The following ZBTB26 variants were observed in gnomAD, a reference collection of about 807,000 sequenced individuals.
ZBTB26 encodes zinc finger and BTB domain-containing protein 26.
In ZBTB26, 12 loss-of-function variants were observed where a neutral mutation model predicts 31.6. The ratio of observed to expected loss-of-function variants is 0.38; its 90% CI spans 0.24 to 0.61. ZBTB26 has a LOEUF of 0.61. Ranked by LOEUF, ZBTB26 falls within the 20% of genes least tolerant of loss-of-function variation. The pLI, the probability that ZBTB26 is intolerant of heterozygous loss-of-function variation, is 0.60. For missense variants in ZBTB26, 311 were observed against 521.9 expected (o/e 0.60, Z 3.94); for synonymous variants, 155 against 182.9 (o/e 0.85, Z 1.23).
chr9:122,926,698 G>C (rs1833187357), intron 1 of ZBTB26, among the ~76,000 whole-genome samples: 1 of 152,134 alleles, frequency 6.6e-6, no homozygotes, highest in Non-Finnish European at 1.5e-5. Flanking sequence ...CATGAAATTA[G>C]AAGACTTAAA....
intron 1 of ZBTB26, among the ~76,000 whole-genome samples, chr9:122,927,329 C>T (rs1322082472): frequency 6.6e-6 from 1 of 152,140 alleles, no homozygotes; most frequent in East Asian, 1.9e-4. Context: ...TGACTAATTA[C>T]TGAATATTCC....
Position 122,919,621 on chromosome 9 carries a change from G to A in ZBTB26, c.314C>T (p.Thr105Ile), listed in dbSNP as rs1234037923. 9.9e-6 allele frequency: 16 copies of A among 1,614,154 alleles called. No individual in the cohort carries two copies. The highest frequency in any genetic ancestry group is 1.4e-5 in the Non-Finnish European group (16 of 1,180,016). The change falls in exon 2 of 2, where the codon ACT becomes ATT. Residue 105 changes from threonine (T) to isoleucine (I), a missense_variant. This residue lies in a region of ZBTB26 where 207 missense variants were observed against 298.6 expected (regional missense o/e 0.69). Coordinates refer to ENST00000373656, the MANE Select transcript of ZBTB26 (RefSeq NM_020924.4). The surrounding 1 kb of genome is among the most constrained non-coding windows in gnomAD (Gnocchi z 6.1). The stretch of plus-strand genomic sequence containing the variant: ...GCTCATCTGAAGAAAACTTGCAGCA[G>A]TCAAGTAATTTACCAGTTCCATCTC... Reference protein sequence around the residue: ...FPEMELVNYLTAASFLQMSHI... With the variant: ...FPEMELVNYLIAASFLQMSHI...
At chr9:122,926,067 G>C (rs1471202402) in intron 1 of ZBTB26, among the ~76,000 whole-genome samples, 1 of 151,658 alleles carries the variant, frequency 6.6e-6, no homozygotes, top group East Asian at 2.0e-4. Flanking sequence ...CCTAATTTTT[G>C]GATTTTTAGT....
At position 122,919,345 on chromosome 9, in the gene ZBTB26, T is replaced by C. The variant is rs374623285; in HGVS notation, c.590A>G (p.Lys197Arg). 44 of 1,614,230 alleles carry C rather than the reference T, an allele frequency of 2.7e-5. No homozygotes were observed. The highest frequency in any genetic ancestry group is 3.7e-5 in the Non-Finnish European group (44 of 1,180,034). Reference sequence around the variant, plus strand: ...AGAAATAAACTGGTTCTGATCTTTTTTACTTCTAACCTCTGATACATCCCC... The same window carrying C: ...AGAAATAAACTGGTTCTGATCTTTTCTACTTCTAACCTCTGATACATCCCC... ...SIGDVSEVRS[K>R]KDQNQFISSE... Residue 197 changes from lysine (K) to arginine (R), a missense_variant, in exon 2 of 2, where the codon AAA becomes AGA. This residue lies in a region of ZBTB26 where 207 missense variants were observed against 298.6 expected (regional missense o/e 0.69). Coordinates refer to ENST00000373656, the MANE Select transcript of ZBTB26 (RefSeq NM_020924.4). This position sits in a 1 kb window ranked among gnomAD's most constrained non-coding sequence, Gnocchi z 6.1.
chr9:122,924,721 G>T (rs1218847537), intron 1 of ZBTB26, among the ~76,000 whole-genome samples: 3 of 151,248 alleles, frequency 2.0e-5, no homozygotes, highest in African/African-American at 4.9e-5. Flanking sequence ...TGGCACCAAG[G>T]CTCAAACAAT....
At position 122,918,687 on chromosome 9, in the gene ZBTB26, A is replaced by G. The variant is rs758214650; in HGVS notation, c.1248T>C (p.Asp416=). The G allele has an allele frequency of 1.9e-6, 3 of 1,614,108 alleles. No individual in the cohort carries two copies. The African/African-American group carries it at 4.0e-5, about 22-fold the overall frequency. ...TACCTGCATCCAGGACCTGTGTTGC[A>G]TCGGGTTGTGGCTGACACCCTTTAG... is the stretch of plus-strand genomic sequence containing the variant. ...TDSKGCQPQP[D]ATQVLDAGKL... The change falls in exon 2 of 2, where the codon GAT becomes GAC. Residue 416 remains aspartate, a synonymous_variant. Transcript: ENST00000373656.
intron 1 of ZBTB26, 88 bp from the exon 2 acceptor site, chr9:122,920,032 T>C: frequency 3.6e-6 from 5 of 1,397,808 alleles, no homozygotes; most frequent in Non-Finnish European, 4.8e-6. Flanking sequence ...CAAATCTGTG[T>C]TGTCATATCT....
rs1416805570 is a variant in ZBTB26, at chr9:122,918,291, C to T, written c.*318G>A. The T allele has an allele frequency of 2.3e-5, 6 of 264,194 alleles. No homozygotes were observed. Among genetic ancestry groups the T allele is most frequent in the South Asian group, 7.3e-5 (1 of 13,714 alleles). The allele number at this position is 264,194 out of a possible 1,614,324, so 16.4% of individuals were successfully genotyped here. Reference sequence around the variant, plus strand: ...GACGTTATTAACTTGTTGGTACCTTCGGAATGTGCCTAGTGAAAAGCCTAA... The same window carrying T: ...GACGTTATTAACTTGTTGGTACCTTTGGAATGTGCCTAGTGAAAAGCCTAA... On this transcript the variant is annotated 3_prime_UTR_variant, in exon 2 of 2. Coordinates refer to ENST00000373656, the MANE Select transcript of ZBTB26 (RefSeq NM_020924.4).
rs1424806672 is a variant in ZBTB26, at chr9:122,916,847, A to G, written c.*1762T>C. 6.6e-6 allele frequency: 1 copy of G among 152,246 alleles called. No homozygotes were observed. The highest frequency in any genetic ancestry group is 1.9e-4 in the East Asian group (1 of 5,204). The allele number at this position is 152,246 out of a possible 1,614,324, so 9.4% of individuals were successfully genotyped here. ...ACAATGATACATGTAAACGTATCAAATATAACAATTGAAGATCCCCTCTGA... is the reference window on the plus strand; with the variant it reads ...ACAATGATACATGTAAACGTATCAAGTATAACAATTGAAGATCCCCTCTGA... On this transcript the variant is annotated 3_prime_UTR_variant, in exon 2 of 2. Transcript: ENST00000373656.
intron 1 of ZBTB26, among the ~76,000 whole-genome samples, chr9:122,927,997 G>C (rs1297767375): frequency 1.3e-5 from 2 of 151,940 alleles, no homozygotes; most frequent in Non-Finnish European, 2.9e-5. Flanking sequence ...ACCAAGCCCG[G>C]ATAATTTTTG....
chr9:122,926,532 T>C (rs1320187400), intron 1 of ZBTB26, among the ~76,000 whole-genome samples: 1 of 151,742 alleles, frequency 6.6e-6, no homozygotes, highest in Admixed American at 6.6e-5. Context: ...AAAAATTGTG[T>C]AACTCTTCAG....
At position 122,918,722 on chromosome 9, in the gene ZBTB26, C is replaced by G; in HGVS notation, c.1213G>C (p.Val405Leu). 6.2e-7 allele frequency: 1 copy of G among 1,614,210 alleles called. No individual in the cohort carries two copies. Among genetic ancestry groups the G allele is most frequent in the Non-Finnish European group, 8.5e-7 (1 of 1,180,020 alleles). Reference sequence around the variant, plus strand: ...GGCTGACACCCTTTAGAGTCTGTGACTGTTGTACATGCAAAAGAATCAAAA... The same window carrying G: ...GGCTGACACCCTTTAGAGTCTGTGAGTGTTGTACATGCAAAAGAATCAAAA... ...VDFDSFACTT[V>L]TDSKGCQPQP... The change falls in exon 2 of 2, where the codon GTC becomes CTC. Residue 405 changes from valine to leucine, a missense_variant. Around this residue, in one of 5 missense-constraint regions of ZBTB26, gnomAD observed 49 missense variants for 66.0 expected, o/e 0.74. Transcript: ENST00000373656.
Position 122,927,751 on chromosome 9 carries a change from T to C in ZBTB26, c.-11+3686A>G, listed in dbSNP as rs1833204476. Among the ~76,000 whole-genome samples the C allele has an allele frequency of 5.3e-5, 8 of 152,194 alleles. No homozygotes were observed. In the South Asian group the frequency reaches 1.4e-3, roughly 28 times the overall value. On this transcript the variant is annotated intron_variant, in intron 1 of 1. Coordinates refer to ENST00000373656, the MANE Select transcript of ZBTB26 (RefSeq NM_020924.4). ...TTGAAGATTTTAGATGTAATTCCCCTTCTCAACTGCCTACCACTCAGTATT... is the reference window on the plus strand; with the variant it reads ...TTGAAGATTTTAGATGTAATTCCCCCTCTCAACTGCCTACCACTCAGTATT...
intron 1 of ZBTB26, among the ~76,000 whole-genome samples, chr9:122,924,355 A>G (rs1833145588): frequency 6.6e-6 from 1 of 152,108 alleles, no homozygotes; most frequent in Non-Finnish European, 1.5e-5. Flanking sequence ...TTATCCCTTA[A>G]TTGTTTCCTT....
At position 122,919,398 on chromosome 9, in the gene ZBTB26, A is replaced by T. The variant is rs1011077708; in HGVS notation, c.537T>A (p.Asp179Glu). 10 of 1,614,190 alleles carry T rather than the reference A, an allele frequency of 6.2e-6. No homozygotes were observed. Among genetic ancestry groups the T allele is most frequent in the Middle Eastern group, 3.3e-4 (2 of 6,062 alleles). The change falls in exon 2 of 2, where the codon GAT becomes GAA. Residue 179 changes from aspartate to glutamate, a missense_variant. Transcript: ENST00000373656. The surrounding 1 kb of genome is among the most constrained non-coding windows in gnomAD (Gnocchi z 6.1). ...SEDSMDMEDSDIQIVKVESIG... is the reference protein window; with the variant it reads ...SEDSMDMEDSEIQIVKVESIG... The stretch of plus-strand genomic sequence containing the variant: ...TAGATTCTACCTTAACAATCTGAAT[A>T]TCACTGTCCTCCATATCCATACTGT...
chr9:122,922,673 G>T (rs1171967603), intron 1 of ZBTB26, among the ~76,000 whole-genome samples: 1 of 152,212 alleles, frequency 6.6e-6, no homozygotes, highest in African/African-American at 2.4e-5. Context: ...TTTGACAGTG[G>T]TAAGGAAGAA....
rs776021197 is a variant in ZBTB26 at position 122,918,762 on chromosome 9, T to A, written c.1173A>T (p.Gln391His). 6 of 1,614,082 alleles carry A rather than the reference T, an allele frequency of 3.7e-6. No homozygotes were observed. Among genetic ancestry groups the A allele is most frequent in the Non-Finnish European group, 5.1e-6 (6 of 1,180,028 alleles). ...AAGAATCAAAATCCACTGTGAGGTC[T>A]TGTACATTTCTCTCATTGGCATTAT... The part of the protein sequence containing the change: ...SFDNANERNV[Q>H]DLTVDFDSFA... Residue 391 changes from glutamine to histidine, a missense_variant, in exon 2 of 2, where the codon CAA becomes CAT. Physicochemically the swap from Gln to His is conservative, Grantham distance 24. Around this residue, in one of 5 missense-constraint regions of ZBTB26, gnomAD observed 49 missense variants for 66.0 expected, o/e 0.74. Transcript: ENST00000373656.
chr9:122,919,924 C>A lies in ZBTB26; in HGVS notation c.11G>T (p.Arg4Ile), dbSNP rs1055238705. The change falls in exon 2 of 2, where the codon AGA (arginine) becomes ATA (isoleucine). Residue 4 changes from arginine to isoleucine, a missense_variant. Physicochemically the swap from Arg to Ile is moderately conservative, Grantham distance 97. Around this residue, in one of 5 missense-constraint regions of ZBTB26, gnomAD observed 25 missense variants for 32.3 expected, o/e 0.77. Transcript: ENST00000373656. The surrounding 1 kb of genome is among the most constrained non-coding windows in gnomAD (Gnocchi z 6.1). ...AAACTTGAAGTGAAGGAGATCTGAT[C>A]TTTCAGACATTTTGGCAGACCTAAA... MSE[R>I]SDLLHFKFEN... is the part of the protein sequence containing the mutation. 6.3e-7 allele frequency: 1 copy of A among 1,579,032 alleles called. No homozygotes were observed.
At chr9:122,925,689 C>T (rs373140448) in intron 1 of ZBTB26, among the ~76,000 whole-genome samples, 1 of 151,796 alleles carries the variant, frequency 6.6e-6, no homozygotes. Context: ...ACCTCTGCCT[C>T]CTGGGTTCAA....
Sources: allele counts gnomAD v4.1 joint callset (sites outside exome capture counted in the v4.1 genomes callset), GRCh38; gene constraint gnomAD v4.1.1; regional missense constraint gnomAD v4.1.1; non-coding constraint Gnocchi (gnomAD v3.1); transcripts MANE v1.5; gene names NCBI Gene and HGNC (gene_info 2026-07-23, HGNC 2026-07-21).